PLAAT5: variants seen among roughly 807,000 people sequenced by gnomAD.
PLAAT5 encodes the protein Ca(2+)-independent N-acyltransferase.
In PLAAT5, 27 loss-of-function variants were observed where a neutral mutation model predicts 27.8. The observed-to-expected ratio is 0.97, with a 90% CI of 0.72 to 1.34. The LOEUF is 1.34. Ranked by LOEUF, PLAAT5 falls within the 40% of genes most tolerant of loss-of-function variation. The pLI is 0.00. For synonymous variants in PLAAT5, 125 were observed against 136.1 expected (o/e 0.92, Z 0.57); for missense variants, 368 against 343.8 (o/e 1.07, Z -0.56).
chr11:63,468,498 T>G (rs1409568020), intron 3 of PLAAT5, 33 bp from the exon 4 acceptor site: 3 of 1,509,082 alleles, frequency 2.0e-6, no homozygotes, highest in Non-Finnish European at 2.8e-6. Context: ...AAATGGCACA[T>G]GCTCAAGGAA....
chr11:63,464,180 A>T (rs2015792478), intron 5 of PLAAT5, among the ~76,000 whole-genome samples: 4 of 152,142 alleles, frequency 2.6e-5, no homozygotes, highest in Admixed American at 2.6e-4. Flanking sequence ...AGCAGAGAGG[A>T]GGAAGGTGCA....
At chr11:63,489,966 A>G (rs1476830108) in intron 2 of PLAAT5, among the ~76,000 whole-genome samples, 1 of 152,236 alleles carries the variant, frequency 6.6e-6, no homozygotes, top group Non-Finnish European at 1.5e-5. Context: ...GACCAAGGAC[A>G]ATACTGTAAG....
chr11:63,478,476 C>T (rs2120288340), intron 3 of PLAAT5, among the ~76,000 whole-genome samples: 1 of 152,294 alleles, frequency 6.6e-6, no homozygotes, highest in East Asian at 1.9e-4. Context: ...CTCGCGCCAC[C>T]ACGCCCTGCT....
chr11:63,469,143 T>TGAGA (rs1283736817), intron 3 of PLAAT5, among the ~76,000 whole-genome samples: 123 of 139,274 alleles, frequency 8.8e-4, no homozygotes, highest in African/African-American at 3.9e-3. Context: ...TGTGTGTGTG[T>TGAGA]GTGAGAGAGA....
At chr11:63,473,148 A>C (rs1045768055) in intron 3 of PLAAT5, among the ~76,000 whole-genome samples, 1 of 152,156 alleles carries the variant, frequency 6.6e-6, no homozygotes. Context: ...TAGTTTTGTA[A>C]GTACAGGCAT....
At chr11:63,472,427 T>G (rs1291696809) in intron 3 of PLAAT5, among the ~76,000 whole-genome samples, 1 of 152,194 alleles carries the variant, frequency 6.6e-6, no homozygotes. Flanking sequence ...TTTTTCAGTA[T>G]CACTTTGGCT....
chr11:63,473,786 C>T (rs984373434), intron 3 of PLAAT5, among the ~76,000 whole-genome samples: 4 of 149,150 alleles, frequency 2.7e-5, no homozygotes, highest in African/African-American at 1.0e-4. Flanking sequence ...AATCTTGGCT[C>T]ACTGCAACCT....
intron 2 of PLAAT5, among the ~76,000 whole-genome samples, chr11:63,489,471 C>CA (rs796747550): frequency 8.5e-5 from 13 of 152,256 alleles, no homozygotes; most frequent in African/African-American, 3.1e-4. Flanking sequence ...TCCCTTGAAA[C>CA]AAAATGTTAC....
chr11:63,490,780 C>CA (rs1275698550), intron 1 of PLAAT5, 107 bp downstream of exon 1: 1 of 1,068,460 alleles, frequency 9.4e-7, no homozygotes, highest in African/African-American at 1.6e-5. Flanking sequence ...GGCTAACAGA[C>CA]AACACAATCG....
chr11:63,476,431 T>C (rs576715666), intron 3 of PLAAT5, among the ~76,000 whole-genome samples: 1 of 152,272 alleles, frequency 6.6e-6, no homozygotes, highest in South Asian at 2.1e-4. Flanking sequence ...TCCATTCATC[T>C]GGGACTATCT....
chr11:63,464,477 GA>G (rs1285642650), intron 5 of PLAAT5, among the ~76,000 whole-genome samples: 1 of 152,120 alleles, frequency 6.6e-6, no homozygotes, highest in African/African-American at 2.4e-5. Context: ...CCAACATGGT[GA>G]AACCCCATCT....
At chr11:63,479,505 T>C (rs1303571636) in intron 3 of PLAAT5, among the ~76,000 whole-genome samples, 2 of 152,268 alleles carry the variant, frequency 1.3e-5, no homozygotes, top group Non-Finnish European at 2.9e-5. Context: ...TAAATTGCCT[T>C]TAATTTATAA....
intron 3 of PLAAT5, among the ~76,000 whole-genome samples, chr11:63,475,674 T>G (rs2016135766): frequency 7.4e-6 from 1 of 135,966 alleles, no homozygotes; most frequent in African/African-American, 3.5e-5. Context: ...ACATCACGTC[T>G]TTTTTGTTCC....
intron 5 of PLAAT5, among the ~76,000 whole-genome samples, chr11:63,464,671 T>C (rs148846237): frequency 1.8e-3 from 265 of 151,020 alleles, no homozygotes; most frequent in African/African-American, 6.3e-3. Flanking sequence ...AAAAGGGGAG[T>C]AGTGATAATA....
chr11:63,490,342 A>AG lies in PLAAT5; in HGVS notation c.149-10dup, dbSNP rs752453390. The AG allele has an allele frequency of 5.2e-5, 84 of 1,613,974 alleles. No individual in the cohort carries two copies. The highest frequency in any genetic ancestry group is 6.9e-5 in the Non-Finnish European group (81 of 1,180,014). On this transcript the variant is annotated splice_polypyrimidine_tract_variant and intron_variant, in intron 1 of 5. Transcript: ENST00000540857. ...GAATCCCACGGATTCTTCTAATTCA[A>AG]GGGGGGAAATGCTATTTAGACCTGT...
At chr11:63,488,002 G>A (rs1476212046) in intron 3 of PLAAT5, among the ~76,000 whole-genome samples, 6 of 152,098 alleles carry the variant, frequency 3.9e-5, no homozygotes, top group Admixed American at 6.5e-5. Flanking sequence ...AAAATTAGCC[G>A]GGCATGGTGG....
chr11:63,471,669 A>G (rs978234432), intron 3 of PLAAT5, among the ~76,000 whole-genome samples: 7 of 152,264 alleles, frequency 4.6e-5, no homozygotes, highest in African/African-American at 1.4e-4. Context: ...ATATTCTTCT[A>G]CATGACAGTG....
intron 3 of PLAAT5, among the ~76,000 whole-genome samples, chr11:63,478,136 T>C (rs1314630736): frequency 6.6e-6 from 1 of 152,170 alleles, no homozygotes. Context: ...GTCACTGAGA[T>C]AACTCTTGTT....
chr11:63,484,470 G>T (rs1435271733), intron 3 of PLAAT5, among the ~76,000 whole-genome samples: 1 of 152,152 alleles, frequency 6.6e-6, no homozygotes, highest in Non-Finnish European at 1.5e-5. Context: ...TTATAGCAGG[G>T]ATGCAGGGAT....
Sources: allele counts gnomAD v4.1 joint callset (sites outside exome capture counted in the v4.1 genomes callset), GRCh38; gene constraint gnomAD v4.1.1; transcripts MANE v1.5; gene names NCBI Gene and HGNC (gene_info 2026-07-23, HGNC 2026-07-21).